TRPC5: variants seen among roughly 807,000 people sequenced by gnomAD.
TRPC5 encodes the protein transient receptor potential cation channel subfamily C member 5.
TRPC5 carries 9 observed loss-of-function variants against 56.5 expected under a neutral mutation model. That is an observed-to-expected ratio of 0.16 (90% CI 0.10 to 0.28). The LOEUF is 0.28. Among genes scored for constraint, TRPC5 ranks in the 10% least tolerant of loss-of-function variants. TRPC5 has a pLI of 1.00. For synonymous variants in TRPC5, 282 were observed against 278.5 expected, an observed-to-expected ratio of 1.01 and a Z score of -0.13; for missense variants, 469 against 748.9, an observed-to-expected ratio of 0.63 and a Z score of 4.36.
At chrX:112,019,585 A>G (rs949372092) in intron 1 of TRPC5, among the ~76,000 whole-genome samples, 16 of 110,792 alleles carry the variant, frequency 1.4e-4, no homozygotes, top group South Asian at 3.8e-4. Context: ...ACAGGCGCCC[A>G]CCACCACACC....
intron 1 of TRPC5, among the ~76,000 whole-genome samples, chrX:111,986,845 T>A (rs1326891537): frequency 9.0e-6 from 1 of 111,551 alleles, no homozygotes; most frequent in Non-Finnish European, 1.9e-5. Context: ...AAACTCTGGA[T>A]TTGATTTTCA....
chrX:111,830,540 G>A (rs1365509681), intron 7 of TRPC5, among the ~76,000 whole-genome samples: 3 of 111,237 alleles, frequency 2.7e-5, no homozygotes, highest in Non-Finnish European at 3.8e-5. Flanking sequence ...TTAGGGGAGG[G>A]ACCTCCTGGG....
intron 7 of TRPC5, among the ~76,000 whole-genome samples, chrX:111,804,854 C>T (rs938089567): frequency 4.5e-5 from 5 of 111,710 alleles, no homozygotes; most frequent in African/African-American, 1.6e-4. Context: ...TTTCTCTTGC[C>T]TGATTTCCCT....
intron 2 of TRPC5, among the ~76,000 whole-genome samples, chrX:111,937,057 C>T (rs2148630885): frequency 9.5e-6 from 1 of 105,666 alleles, no homozygotes; most frequent in South Asian, 3.9e-4. Context: ...GAGGTGGTAT[C>T]TCATTGTGGT....
chrX:111,831,805 A>T (rs1427537334), intron 7 of TRPC5, among the ~76,000 whole-genome samples: 2 of 111,594 alleles, frequency 1.8e-5, no homozygotes, highest in Non-Finnish European at 3.8e-5. Flanking sequence ...GGCAACAGAG[A>T]TGGCCATTGT....
intron 7 of TRPC5, among the ~76,000 whole-genome samples, chrX:111,826,849 G>C (rs1355188244): frequency 2.7e-5 from 3 of 111,655 alleles, no homozygotes; most frequent in Non-Finnish European, 5.6e-5. Flanking sequence ...TGGGCTCTTC[G>C]TCCCCTCAGG....
At chrX:111,966,346 C>T (rs1468949763) in intron 1 of TRPC5, among the ~76,000 whole-genome samples, 2 of 111,319 alleles carry the variant, frequency 1.8e-5, no homozygotes, top group Admixed American at 9.5e-5. Context: ...AATAGCTTAC[C>T]AACCAAAAAG....
At chrX:112,025,889 G>A (rs1929400480) in intron 1 of TRPC5, among the ~76,000 whole-genome samples, 1 of 111,709 alleles carries the variant, frequency 9.0e-6, no homozygotes, top group African/African-American at 3.3e-5. Context: ...TTAGCCTCCT[G>A]TTGGCACCCT....
At chrX:112,010,315 G>A (rs1020117234) in intron 1 of TRPC5, among the ~76,000 whole-genome samples, 1 of 112,077 alleles carries the variant, frequency 8.9e-6, no homozygotes, top group African/African-American at 3.2e-5. Flanking sequence ...GTGACCTTGG[G>A]CAAGTTACTT....
intron 2 of TRPC5, among the ~76,000 whole-genome samples, chrX:111,948,663 C>T (rs913305742): frequency 1.9e-5 from 2 of 106,360 alleles, no homozygotes; most frequent in Non-Finnish European, 3.9e-5. Flanking sequence ...ACCCAGGAGG[C>T]GGAGGTTGCA....
At chrX:111,952,523 T>G in intron 1 of TRPC5, 82 bp from the exon 2 acceptor site, 3 of 968,189 alleles carry the variant, frequency 3.1e-6, no homozygotes, top group Non-Finnish European at 4.2e-6. Context: ...GCAGCCCTGC[T>G]AAGGGGTTAG....
At chrX:111,976,655 GA>G (rs1927937425) in intron 1 of TRPC5, among the ~76,000 whole-genome samples, 1 of 110,594 alleles carries the variant, frequency 9.0e-6, no homozygotes, top group African/African-American at 3.3e-5. Flanking sequence ...GCAAGAAAAA[GA>G]AATAAAAGGC....
chrX:111,954,921 T>C (rs184490581), intron 1 of TRPC5, among the ~76,000 whole-genome samples: 2 of 112,106 alleles, frequency 1.8e-5, no homozygotes, highest in Non-Finnish European at 3.8e-5. Context: ...TAGTTTTGAA[T>C]ACTTAATGTG....
At chrX:111,996,183 GTC>G (rs1182625314) in intron 1 of TRPC5, among the ~76,000 whole-genome samples, 1 of 111,960 alleles carries the variant, frequency 8.9e-6, no homozygotes, top group Non-Finnish European at 1.9e-5. Flanking sequence ...GGTACATTGT[GTC>G]TTTGTTCTCA....
intron 1 of TRPC5, among the ~76,000 whole-genome samples, chrX:112,029,592 C>A (rs1227972846): frequency 9.0e-6 from 1 of 111,580 alleles, no homozygotes; most frequent in East Asian, 2.8e-4. Context: ...AGTGGTTGTA[C>A]TAATTTACAT....
chrX:111,901,888 T>A, intron 3 of TRPC5: 1 of 1,151,798 alleles, frequency 8.7e-7, no homozygotes, highest in Non-Finnish European at 1.1e-6. Context: ...TTGATGGACT[T>A]GTTGCTTGTG....
rs1435095852 is a variant in TRPC5 at position 111,909,945 on chromosome X, C to T, written c.900+2346G>A. Among the ~76,000 whole-genome samples the T allele has an allele frequency of 1.1e-4, 12 of 111,690 alleles. No homozygotes were observed. The East Asian group carries it at 1.4e-3, about 13-fold the overall frequency. On this transcript the variant is annotated intron_variant, in intron 3 of 10. Coordinates refer to ENST00000262839, the MANE Select transcript of TRPC5 (RefSeq NM_012471.3). ...TCATCACATTGGTTGTCAAATGCAA[C>T]GGTAACTAAAACTGGCAAATGAAGA...
chrX:112,054,691 G>C (rs1486552598), intron 1 of TRPC5, among the ~76,000 whole-genome samples: 1 of 111,085 alleles, frequency 9.0e-6, no homozygotes, highest in Non-Finnish European at 1.9e-5. Flanking sequence ...GAACCCAAAA[G>C]TCTACCTGTC....
rs1364259346 is a variant in TRPC5, at chrX:111,963,434, T to C, written c.-21-10993A>G. ...CAAACAAAAAGACAGCAGTAACCTCTGCAGACTTAAATGTCCCTGTCTGAC... is the reference window on the plus strand; with the variant it reads ...CAAACAAAAAGACAGCAGTAACCTCCGCAGACTTAAATGTCCCTGTCTGAC... On this transcript the variant is annotated intron_variant, in intron 1 of 10. Transcript: ENST00000262839. 3.6e-5 allele frequency among the ~76,000 whole-genome samples: 4 copies of C among 112,259 alleles called. No homozygotes were observed. In the Admixed American group the frequency reaches 3.8e-4, roughly 11 times the overall value.
Sources: gnomAD v4.1 joint callset for allele counts (sites outside exome capture counted in the v4.1 genomes callset) on GRCh38, gnomAD v4.1.1 for gene constraint, MANE v1.5 for transcripts, NCBI Gene and HGNC (gene_info 2026-07-23, HGNC 2026-07-21) for gene names.